The following MICAL3 variants were observed in gnomAD, a reference collection of about 807,000 sequenced individuals.
The protein encoded by MICAL3 is microtubule associated monooxygenase, calponin and LIM domain containing 3.
In MICAL3, 62 loss-of-function variants were observed where a neutral mutation model predicts 207.4. That is an observed-to-expected ratio of 0.30 (90% CI 0.24 to 0.37). The LOEUF (loss-of-function observed/expected upper bound fraction) is 0.37, where lower values mean the gene tolerates loss of function less well. Among genes scored for constraint, MICAL3 ranks in the 10% least tolerant of loss-of-function variants. The probability of loss-of-function intolerance (pLI) is 1.00; values close to 1 mark genes in which losing one functional copy is unlikely to be tolerated. For synonymous variants in MICAL3, 1,077 were observed against 1,069.3 expected, an observed-to-expected ratio of 1.01 and a Z score of -0.14; for missense variants, 2,368 against 2,635.6, an observed-to-expected ratio of 0.90 and a Z score of 2.22.
At chr22:18,023,654 C>T (rs772849056) in intron 1 of MICAL3, among the ~76,000 whole-genome samples, 1 of 152,356 alleles carries the variant, frequency 6.6e-6, no homozygotes, top group Non-Finnish European at 1.5e-5. Flanking sequence ...TGAACTTGGC[C>T]GTCCTTTTGT....
intron 1 of MICAL3, among the ~76,000 whole-genome samples, chr22:17,949,107 G>C: frequency 6.6e-6 from 1 of 151,274 alleles, no homozygotes; most frequent in African/African-American, 2.4e-5. Flanking sequence ...CTACTCAGGA[G>C]GCTGAGGTGG....
At chr22:17,922,232 C>G (rs187900090) in intron 1 of MICAL3, among the ~76,000 whole-genome samples, 35 of 152,192 alleles carry the variant, frequency 2.3e-4, no homozygotes, top group African/African-American at 7.9e-4. Flanking sequence ...TTGGGTCTGG[C>G]TAGGTAGAGG....
In MICAL3 at chr22:17,818,065, G is replaced by C; in HGVS notation, c.4596C>G (p.Asp1532Glu). ...FADDVEDTYD[D>E]KTEDSSLQEK... ...CCTGCAGGCTTGAGTCCTCAGTCTT[G>C]TCGTCATAGGTGTCCTCCACATCAT... The change falls in exon 26 of 32, where the codon GAC becomes GAG. Residue 1532 changes from aspartate to glutamate, a missense_variant. This residue lies in a region of MICAL3 where 1,770 missense variants were observed against 1,863.2 expected (regional missense o/e 0.95). Coordinates refer to ENST00000441493, the MANE Select transcript of MICAL3 (RefSeq NM_015241.3). 1 of 1,613,052 alleles carries C rather than the reference G, an allele frequency of 6.2e-7. No homozygotes were observed. The highest frequency in any genetic ancestry group is 1.1e-5 in the South Asian group (1 of 91,064).
intron 1 of MICAL3, among the ~76,000 whole-genome samples, chr22:17,911,430 G>T (rs1932136798): frequency 6.6e-6 from 1 of 152,178 alleles, no homozygotes; most frequent in South Asian, 2.1e-4. Context: ...AATGCACCAT[G>T]AACACACCAG....
chr22:17,901,839 C>T, intron 5 of MICAL3, 39 bp downstream of exon 5: 1 of 1,528,324 alleles, frequency 6.5e-7, no homozygotes, highest in East Asian at 2.3e-5. Context: ...ATCAGCTTTC[C>T]CTCTGCTATG....
At position 17,902,932 on chromosome 22, in the gene MICAL3, C is replaced by A. The variant is rs1315733235; in HGVS notation, c.473-185G>T. On this transcript the variant is annotated intron_variant, in intron 3 of 31. Transcript: ENST00000441493. The surrounding 1 kb of genome is among the most constrained non-coding windows in gnomAD (Gnocchi z 4.5). ...CTTCCTTTCTTAAAGGCAAATATAACCCAGTGGAAGAGCTGTTCTAGAGCA... is the reference window on the plus strand; with the variant it reads ...CTTCCTTTCTTAAAGGCAAATATAAACCAGTGGAAGAGCTGTTCTAGAGCA... Among the ~76,000 whole-genome samples the A allele has an allele frequency of 6.6e-6, 1 of 152,216 alleles. No homozygotes were observed. Among genetic ancestry groups the A allele is most frequent in the Non-Finnish European group, 1.5e-5 (1 of 68,050 alleles).
At chr22:17,927,439 T>TTCTTC (rs1319231404) in intron 1 of MICAL3, among the ~76,000 whole-genome samples, 1 of 152,186 alleles carries the variant, frequency 6.6e-6, no homozygotes. Flanking sequence ...CATACTATGT[T>TTCTTC]TCTTCCAAAG....
At chr22:17,942,348 C>T (rs1933846287) in intron 1 of MICAL3, among the ~76,000 whole-genome samples, 1 of 152,160 alleles carries the variant, frequency 6.6e-6, no homozygotes, top group Admixed American at 6.5e-5. Flanking sequence ...CCAGCCCCAC[C>T]AAGAACAGCT....
intron 1 of MICAL3, among the ~76,000 whole-genome samples, chr22:18,011,590 G>A (rs1923734334): frequency 6.7e-6 from 1 of 148,904 alleles, no homozygotes. Context: ...ATAAATAAAG[G>A]CCAGGCGCGG....
chr22:17,889,790 G>A (rs146124295), intron 12 of MICAL3, among the ~76,000 whole-genome samples: 1 of 152,314 alleles, frequency 6.6e-6, no homozygotes, highest in East Asian at 1.9e-4. Flanking sequence ...CTGGGAAATA[G>A]GGCGGGACCT....
At chr22:17,837,403 C>T (rs1184119671) in intron 20 of MICAL3, among the ~76,000 whole-genome samples, 2 of 152,360 alleles carry the variant, frequency 1.3e-5, no homozygotes, top group East Asian at 1.9e-4. Context: ...AGAAAACATA[C>T]CTGTGTGTGC....
chr22:17,810,054 A>AT lies in MICAL3; in HGVS notation c.5556+648dup, dbSNP rs758573402. On this transcript the variant is annotated intron_variant, in intron 28 of 31. Transcript: ENST00000441493. ...CAGGGGCCCGCCACTATGCCTGGCT[A>AT]TTTTTTTTTTTTTTTTTTTTTTTTT... Among the ~76,000 whole-genome samples the AT allele has an allele frequency of 4.0e-3, 388 of 97,032 alleles. 19 individuals are homozygous for AT. The highest frequency in any genetic ancestry group is 9.1e-3 in the South Asian group (26 of 2,862). The allele number at this position is 97,032 out of a possible 152,430, so 63.7% of individuals were successfully genotyped here. A position where few individuals can be genotyped will look rare whatever the true frequency, so the allele number is the denominator to read the frequency against.
At chr22:17,825,620 G>A (rs901173334) in intron 22 of MICAL3, among the ~76,000 whole-genome samples, 1 of 152,206 alleles carries the variant, frequency 6.6e-6, no homozygotes, top group African/African-American at 2.4e-5. Context: ...AGCCCCACGA[G>A]CTCCCATGTC....
chr22:17,950,474 G>C (rs1330696241), intron 1 of MICAL3, among the ~76,000 whole-genome samples: 1 of 151,638 alleles, frequency 6.6e-6, no homozygotes, highest in Non-Finnish European at 1.5e-5. Flanking sequence ...CAAGTAGCTG[G>C]GACTACAGGT....
chr22:17,956,227 G>A (rs1934607031), intron 1 of MICAL3, among the ~76,000 whole-genome samples: 1 of 152,230 alleles, frequency 6.6e-6, no homozygotes, highest in Non-Finnish European at 1.5e-5. Context: ...ACAGTGCTAA[G>A]CCATGGGGCT....
intron 1 of MICAL3, among the ~76,000 whole-genome samples, chr22:18,015,670 C>T (rs746588657): frequency 1.4e-4 from 21 of 152,132 alleles, no homozygotes; most frequent in Admixed American, 1.2e-3. Flanking sequence ...TCATGGCCTC[C>T]GACCACGCGC....
rs1264981276 is a variant in MICAL3 at position 17,900,954 on chromosome 22, G to A, written c.735C>T (p.Ile245=). The part of the protein sequence containing the change: ...KEFRGKLAIA[I]TANFINRNTT... ...TATTTCGGTTGATAAAATTTGCCGT[G>A]ATGGCGATGGCCAGTTTGCCACGGA... The change falls in exon 6 of 32, where the codon ATC becomes ATT. Residue 245 remains isoleucine, a synonymous_variant. Coordinates refer to ENST00000441493, the MANE Select transcript of MICAL3 (RefSeq NM_015241.3). This position sits in a 1 kb window ranked among gnomAD's most constrained non-coding sequence, Gnocchi z 4.0. The A allele has an allele frequency of 6.2e-7, 1 of 1,613,878 alleles. No homozygotes were observed. Among genetic ancestry groups the A allele is most frequent in the African/African-American group, 1.3e-5 (1 of 74,934 alleles).
intron 1 of MICAL3, among the ~76,000 whole-genome samples, chr22:17,986,131 T>A (rs1459931809): frequency 6.6e-6 from 1 of 152,054 alleles, no homozygotes; most frequent in African/African-American, 2.4e-5. Context: ...GATCTTGAAC[T>A]CCTGACCTTG....
chr22:17,866,361 G>A lies in MICAL3; in HGVS notation c.2429-349C>T, dbSNP rs527608790. ...GAACAAAGATGTGGTCACATGAAAC[G>A]CTGGGAGTAGCATTGCTGGGGAAAC... On this transcript the variant is annotated intron_variant, in intron 17 of 31. Coordinates refer to ENST00000441493, the MANE Select transcript of MICAL3 (RefSeq NM_015241.3). 8.5e-5 allele frequency among the ~76,000 whole-genome samples: 13 copies of A among 152,322 alleles called. No individual in the cohort carries two copies. The East Asian group carries it at 1.9e-3, about 23-fold the overall frequency.
Sources: allele counts gnomAD v4.1 joint callset (sites outside exome capture counted in the v4.1 genomes callset), GRCh38; gene constraint gnomAD v4.1.1; regional missense constraint gnomAD v4.1.1; non-coding constraint Gnocchi (gnomAD v3.1); transcripts MANE v1.5; gene names NCBI Gene and HGNC (gene_info 2026-07-23, HGNC 2026-07-21).